The following SNHG17 variants were observed in gnomAD, a reference collection of about 807,000 sequenced individuals.
SNHG17 encodes small nucleolar RNA host gene 17, also known as small nucleolar RNA host gene 17 (non-protein coding).
At chr20:38,429,661 G>A (rs1192051957) in intron 3 of SNHG17, 1 of 489,490 alleles carries the variant, frequency 2.0e-6, no homozygotes, top group Non-Finnish European at 4.0e-6. Context: ...CGTGGTGGGA[G>A]GGAGGAGGTG....
chr20:38,435,218 G>A, exon 1 of SNHG17: 3 of 1,232,050 alleles, frequency 2.4e-6, no homozygotes, highest in Non-Finnish European at 3.0e-6. Flanking sequence ...GCGTCGAGTG[G>A]CGGCGGAGAC....
At chr20:38,428,722 G>C (rs1052024310) in intron 3 of SNHG17, 4 of 152,282 alleles carry the variant, frequency 2.6e-5, no homozygotes, top group African/African-American at 7.2e-5. Context: ...TTCTCCAGCA[G>C]CGTCCAGCAA....
At chr20:38,434,465 G>C in intron 2 of SNHG17, 2 of 171,652 alleles carry the variant, frequency 1.2e-5, no homozygotes, top group Non-Finnish European at 2.5e-5. Context: ...TCCCACAGAA[G>C]GGTCCTTCCC....
intron 1 of SNHG17, chr20:38,434,928 AG>A (rs2084406477): frequency 3.3e-6 from 4 of 1,225,256 alleles, no homozygotes; most frequent in Non-Finnish European, 4.1e-6. Flanking sequence ...CCCGCCATCC[AG>A]GGGCACTAAG....
intron 3 of SNHG17, chr20:38,429,460 G>A (rs1374363315): frequency 4.0e-6 from 1 of 248,582 alleles, no homozygotes; most frequent in Non-Finnish European, 7.9e-6. Context: ...GAGAGGTGTG[G>A]AGGCAGAGAA....
At chr20:38,429,794 G>A (rs760607272) in intron 3 of SNHG17, 28 of 517,260 alleles carry the variant, frequency 5.4e-5, no homozygotes, top group East Asian at 5.0e-4. Context: ...GATCACTTTC[G>A]AATGCAGGGG....
At chr20:38,429,671 G>A (rs1465364524) in intron 3 of SNHG17, 2 of 493,418 alleles carry the variant, frequency 4.1e-6, no homozygotes, top group East Asian at 6.0e-5. Flanking sequence ...GGGAGGAGGT[G>A]TGGGAAAGCT....
chr20:38,428,540 G>A (rs2084286522), intron 3 of SNHG17: 1 of 152,174 alleles, frequency 6.6e-6, no homozygotes, highest in African/African-American at 2.4e-5. Context: ...TGACTAAACC[G>A]TTCTTCTCAC....
chr20:38,433,685 C>T (rs1467280638), intron 2 of SNHG17, among the ~76,000 whole-genome samples: 2 of 152,164 alleles, frequency 1.3e-5, no homozygotes, highest in Non-Finnish European at 2.9e-5. Context: ...CAGTAATTGC[C>T]ACAGGGTGTG....
At chr20:38,426,890 G>A (rs1383014100) in intron 3 of SNHG17, among the ~76,000 whole-genome samples, 1 of 150,258 alleles carries the variant, frequency 6.7e-6, no homozygotes, top group African/African-American at 2.5e-5. Context: ...TTGCAGCAAT[G>A]AGCACTTTCT....
intron 1 of SNHG17, chr20:38,435,169 C>G: frequency 8.1e-7 from 1 of 1,232,312 alleles, no homozygotes; most frequent in Non-Finnish European, 1.0e-6. Context: ...GAGAGTGGAG[C>G]CGACCATGCG....
In SNHG17 at chr20:38,434,893, C is replaced by T. The variant is rs182147096; in HGVS notation, n.186-267G>A. The T allele has an allele frequency of 4.4e-5, 53 of 1,217,020 alleles. No individual in the cohort carries two copies. The Admixed American group carries it at 1.4e-3, about 32-fold the overall frequency. 75.4% of individuals were successfully genotyped at this position (1,217,020 alleles called of 1,614,324 possible). On this transcript the variant is annotated intron_variant and non_coding_transcript_variant, in intron 1 of 8. Transcript: ENST00000654008. The stretch of plus-strand genomic sequence containing the variant: ...TCCAATGCCAGGAGTCGGGGGCGGG[C>T]AGCTAAAGTCGCCGAGCCCTGTTTC...
At position 38,426,910 on chromosome 20, in the gene SNHG17, G is replaced by A. The variant is rs1421358639; in HGVS notation, n.381-407C>T. Among the ~76,000 whole-genome samples, 4 of 149,360 alleles carry A rather than the reference G, an allele frequency of 2.7e-5. 1 individual carries two copies. The highest frequency in any genetic ancestry group is 7.4e-5 in the African/African-American group (3 of 40,488). On this transcript the variant is annotated intron_variant and non_coding_transcript_variant, in intron 3 of 8. Coordinates refer to ENST00000654008, the Ensembl canonical transcript of SNHG17. ...GCAATGAGCACTTTCTCTTTCTTACGACAAACCCTTCAGGACCCCCTATTC... is the reference window on the plus strand; with the variant it reads ...GCAATGAGCACTTTCTCTTTCTTACAACAAACCCTTCAGGACCCCCTATTC...
At chr20:38,430,192 G>C (rs1033908884) in intron 3 of SNHG17, among the ~76,000 whole-genome samples, 2 of 152,096 alleles carry the variant, frequency 1.3e-5, no homozygotes, top group Non-Finnish European at 2.9e-5. Context: ...ATGGTGGCAG[G>C]CACCTGTAAT....
rs138270607 is a variant in SNHG17, at chr20:38,424,425, C to A, written n.579+1510G>T. 2.8e-3 allele frequency among the ~76,000 whole-genome samples: 433 copies of A among 152,310 alleles called. 2 individuals are homozygous for A. The highest frequency in any genetic ancestry group is 1.0e-2 in the African/African-American group (414 of 41,562). On this transcript the variant is annotated intron_variant and non_coding_transcript_variant, in intron 5 of 8. Coordinates refer to ENST00000654008, the Ensembl canonical transcript of SNHG17. ...CTAAGGCCAGAAGGAAAATCCACCTCTGGTAGACCATGGACGCTCCTCACA... is the reference window on the plus strand; with the variant it reads ...CTAAGGCCAGAAGGAAAATCCACCTATGGTAGACCATGGACGCTCCTCACA...
chr20:38,431,515 T>C (rs2084341514), intron 2 of SNHG17, among the ~76,000 whole-genome samples: 1 of 152,082 alleles, frequency 6.6e-6, no homozygotes, highest in African/African-American at 2.4e-5. Flanking sequence ...TTCCATCTTG[T>C]CCCACATAAA....
chr20:38,432,360 T>C (rs1277669848), intron 2 of SNHG17, among the ~76,000 whole-genome samples: 2 of 152,114 alleles, frequency 1.3e-5, no homozygotes, highest in African/African-American at 2.4e-5. Flanking sequence ...CAGGTTCTGG[T>C]GTGGCACACC....
intron 2 of SNHG17, chr20:38,434,024 T>G (rs1281832270): frequency 1.9e-6 from 1 of 517,510 alleles, no homozygotes; most frequent in South Asian, 1.4e-5. Flanking sequence ...TGAGCCCACG[T>G]CAGCGTGTTA....
chr20:38,433,749 C>A, intron 2 of SNHG17: 2 of 502,352 alleles, frequency 4.0e-6, no homozygotes, highest in South Asian at 1.4e-5. Flanking sequence ...CAGGGACTCA[C>A]CCCTCATAGA....
Sources: gnomAD v4.1 joint callset for allele counts (sites outside exome capture counted in the v4.1 genomes callset) on GRCh38, gnomAD v4.1.1 for gene constraint, MANE v1.5 for transcripts, NCBI Gene and HGNC (gene_info 2026-07-23, HGNC 2026-07-21) for gene names.